Variants in EEFSEC observed in about 807,000 individuals in gnomAD.
EEFSEC encodes the protein selenocysteine-specific elongation factor.
In EEFSEC, 43 loss-of-function variants were observed where a neutral mutation model predicts 42.1. The ratio of observed to expected loss-of-function variants is 1.02; its 90% CI spans 0.80 to 1.32. EEFSEC has a LOEUF of 1.32. EEFSEC is among the 40% of genes most tolerant of loss of function. The pLI is 0.00. For synonymous variants in EEFSEC, 354 were observed against 339.1 expected (o/e 1.04, Z -0.48); for missense variants, 745 against 803.6 (o/e 0.93, Z 0.88).
chr3:128,245,427 G>A (rs2066117009), intron 1 of EEFSEC, among the ~76,000 whole-genome samples: 1 of 152,242 alleles, frequency 6.6e-6, no homozygotes, highest in African/African-American at 2.4e-5. Flanking sequence ...ACCTGGCAGA[G>A]GAGATGCTGC....
intron 6 of EEFSEC, among the ~76,000 whole-genome samples, chr3:128,381,382 G>A (rs925454178): frequency 6.6e-6 from 1 of 152,216 alleles, no homozygotes; most frequent in Admixed American, 6.5e-5. Context: ...GATGATTGCC[G>A]ATTGCTAGAA....
At chr3:128,237,656 T>G (rs2066027032) in intron 1 of EEFSEC, among the ~76,000 whole-genome samples, 1 of 152,230 alleles carries the variant, frequency 6.6e-6, no homozygotes, top group Non-Finnish European at 1.5e-5. Flanking sequence ...CATTTCTTGT[T>G]TTTTTGGCTT....
Position 128,341,163 on chromosome 3 carries a change from A to T in EEFSEC, c.787-70A>T, listed in dbSNP as rs1432054043. 23 of 1,517,444 alleles carry T rather than the reference A, an allele frequency of 1.5e-5. No individual in the cohort carries two copies. The East Asian group carries it at 5.2e-4, about 34-fold the overall frequency. 94.0% of individuals were successfully genotyped at this position (1,517,444 alleles called of 1,614,324 possible). On this transcript the variant is annotated intron_variant, in intron 4 of 6. Transcript: ENST00000254730. ...GGTAAGCACAGGATTCTCTAGCTGC[A>T]GCTCCCCTCTCCTCCCCACAGCCCC...
intron 1 of EEFSEC, among the ~76,000 whole-genome samples, chr3:128,193,996 C>CT (rs1474169193): frequency 1.2e-5 from 1 of 82,730 alleles, no homozygotes; most frequent in African/African-American, 1.4e-4. Flanking sequence ...GGAAGACCAT[C>CT]TTCCCCCATC....
intron 4 of EEFSEC, among the ~76,000 whole-genome samples, chr3:128,335,857 G>T (rs918925156): frequency 5.9e-5 from 9 of 152,206 alleles, no homozygotes; most frequent in African/African-American, 2.2e-4. Flanking sequence ...TCTCCTGATG[G>T]CTGGTTACAG....
intron 5 of EEFSEC, among the ~76,000 whole-genome samples, chr3:128,349,804 G>A (rs1364699419): frequency 6.6e-6 from 1 of 152,234 alleles, no homozygotes; most frequent in Non-Finnish European, 1.5e-5. Context: ...GCTGGCAGTT[G>A]GGTCCCAGGA....
At chr3:128,219,349 C>G (rs911249552) in intron 1 of EEFSEC, among the ~76,000 whole-genome samples, 1 of 152,194 alleles carries the variant, frequency 6.6e-6, no homozygotes, top group Non-Finnish European at 1.5e-5. Flanking sequence ...CCTTGGCCTT[C>G]TGTTAACAGT....
At chr3:128,163,946 A>AACC (rs1553737107) in intron 1 of EEFSEC, among the ~76,000 whole-genome samples, 1 of 151,354 alleles carries the variant, frequency 6.6e-6, no homozygotes, top group Non-Finnish European at 1.5e-5. Context: ...GTGAAAAAAA[A>AACC]AAAAAACAAA....
chr3:128,402,722 A>G (rs1000905590), intron 6 of EEFSEC, among the ~76,000 whole-genome samples: 1 of 152,230 alleles, frequency 6.6e-6, no homozygotes, highest in Non-Finnish European at 1.5e-5. Context: ...CACTGTGACC[A>G]TCTAGGACTT....
At chr3:128,265,151 G>GAT (rs2066340699) in intron 4 of EEFSEC, among the ~76,000 whole-genome samples, 1 of 37,716 alleles carries the variant, frequency 2.7e-5, no homozygotes, top group Non-Finnish European at 6.7e-5. Flanking sequence ...TCCCTTTCTG[G>GAT]ACGCTGTACG....
chr3:128,200,574 C>T (rs2140286), intron 1 of EEFSEC, among the ~76,000 whole-genome samples: 19,801 of 152,270 alleles, frequency 0.13, 1,530 homozygotes, highest in Admixed American at 0.2. Flanking sequence ...AGGCATGAGC[C>T]ACCGCGCCCA....
intron 1 of EEFSEC, among the ~76,000 whole-genome samples, chr3:128,156,134 C>A (rs1381054122): frequency 6.6e-6 from 1 of 152,190 alleles, no homozygotes; most frequent in Non-Finnish European, 1.5e-5. Flanking sequence ...TGGAGTCAGA[C>A]AAAACTGGGC....
chr3:128,330,172 G>A (rs1218441586), intron 4 of EEFSEC, among the ~76,000 whole-genome samples: 2 of 152,244 alleles, frequency 1.3e-5, no homozygotes, highest in Non-Finnish European at 2.9e-5. Flanking sequence ...GAGGAGGAGC[G>A]TAAAGCTCCC....
At chr3:128,292,287 A>G (rs2066652198) in intron 4 of EEFSEC, among the ~76,000 whole-genome samples, 1 of 151,960 alleles carries the variant, frequency 6.6e-6, no homozygotes, top group African/African-American at 2.4e-5. Context: ...GTCCTTTCTT[A>G]TAATGTCTAT....
intron 1 of EEFSEC, among the ~76,000 whole-genome samples, chr3:128,193,742 G>A (rs950789433): frequency 2.6e-5 from 4 of 152,010 alleles, no homozygotes; most frequent in South Asian, 4.2e-4. Flanking sequence ...ACACTAATCC[G>A]CAGGCCAGGA....
Position 128,341,580 on chromosome 3 carries a change from G to A in EEFSEC, c.1134G>A (p.Gln378=). 1.9e-6 allele frequency: 3 copies of A among 1,614,060 alleles called. No individual in the cohort carries two copies. The South Asian group carries it at 3.3e-5, about 18-fold the overall frequency. Residue 378 remains glutamine (Q), a synonymous_variant, in exon 5 of 7, where the codon CAG becomes CAA. Coordinates refer to ENST00000254730, the MANE Select transcript of EEFSEC (RefSeq NM_021937.5). ...CTCAAGAATACCTTTTCCAGGAGCA[G>A]TACCTGTCCAAGGATTTGACACCAG... ...NFSQEYLFQE[Q]YLSKDLTPAV...
chr3:128,375,646 C>T (rs2067700652), intron 6 of EEFSEC, among the ~76,000 whole-genome samples: 1 of 152,202 alleles, frequency 6.6e-6, no homozygotes, highest in Non-Finnish European at 1.5e-5. Flanking sequence ...AGGAAGGCTC[C>T]CTGTCCTTCT....
intron 4 of EEFSEC, among the ~76,000 whole-genome samples, chr3:128,290,900 A>G (rs2066637037): frequency 6.6e-6 from 1 of 151,902 alleles, no homozygotes; most frequent in African/African-American, 2.4e-5. Context: ...GCCCACCACC[A>G]TACCTGGCTT....
At chr3:128,245,257 A>C (rs2066115299) in intron 1 of EEFSEC, among the ~76,000 whole-genome samples, 1 of 152,214 alleles carries the variant, frequency 6.6e-6, no homozygotes, top group Admixed American at 6.5e-5. Context: ...GGAACAGAGA[A>C]AGAGTCCAGA....
Sources: allele counts gnomAD v4.1 joint callset (sites outside exome capture counted in the v4.1 genomes callset), GRCh38; gene constraint gnomAD v4.1.1; transcripts MANE v1.5; gene names NCBI Gene and HGNC (gene_info 2026-07-23, HGNC 2026-07-21).